Variants in NRG3 observed in about 807,000 individuals in gnomAD.
NRG3 encodes neuregulin 3.
NRG3 carries 31 observed loss-of-function variants against 66.9 expected under a neutral mutation model. The ratio of observed to expected loss-of-function variants is 0.46; its 90% CI spans 0.35 to 0.63. The LOEUF (loss-of-function observed/expected upper bound fraction) is 0.63. Ranked by LOEUF, NRG3 falls within the 20% of genes least tolerant of loss-of-function variation. The probability of loss-of-function intolerance (pLI) is 0.00; values close to 1 mark genes in which losing one functional copy is unlikely to be tolerated. For synonymous variants in NRG3, 393 were observed against 359.4 expected, an observed-to-expected ratio of 1.09 and a Z score of -1.06; for missense variants, 910 against 878.9, an observed-to-expected ratio of 1.04 and a Z score of -0.45.
intron 2 of NRG3, among the ~76,000 whole-genome samples, chr10:82,463,647 T>C (rs989988719): frequency 3.3e-5 from 5 of 152,194 alleles, no homozygotes; most frequent in African/African-American, 1.2e-4. Flanking sequence ...TTTACTGATA[T>C]GCTCTCACTA....
At chr10:81,942,926 AT>A (rs1848523825) in intron 1 of NRG3, among the ~76,000 whole-genome samples, 1 of 152,182 alleles carries the variant, frequency 6.6e-6, no homozygotes, top group Non-Finnish European at 1.5e-5. Flanking sequence ...TATTAATCAC[AT>A]TAGTTTTTAG....
At chr10:82,575,206 A>G (rs1037192192) in intron 2 of NRG3, among the ~76,000 whole-genome samples, 2 of 151,818 alleles carry the variant, frequency 1.3e-5, no homozygotes, top group South Asian at 2.1e-4. Context: ...TGTTAAAAAT[A>G]GAAAACAAAA....
intron 2 of NRG3, among the ~76,000 whole-genome samples, chr10:82,366,477 C>T (rs1020868250): frequency 2.0e-5 from 3 of 152,112 alleles, no homozygotes; most frequent in African/African-American, 7.2e-5. Context: ...TAGCAATTTT[C>T]TATTATTTGT....
At chr10:81,876,561 C>T (rs1159386901) in intron 1 of NRG3, among the ~76,000 whole-genome samples, 2 of 152,138 alleles carry the variant, frequency 1.3e-5, no homozygotes, top group Non-Finnish European at 2.9e-5. Flanking sequence ...GGCACTGAGC[C>T]CCTTCTCCGC....
At chr10:82,355,907 T>G (rs1430062359) in intron 1 of NRG3, among the ~76,000 whole-genome samples, 3 of 152,218 alleles carry the variant, frequency 2.0e-5, no homozygotes, top group Admixed American at 6.5e-5. Context: ...GTTTATTATA[T>G]TGTCATTAAA....
At chr10:82,091,413 C>T (rs1007368986) in intron 1 of NRG3, among the ~76,000 whole-genome samples, 1 of 152,106 alleles carries the variant, frequency 6.6e-6, no homozygotes, top group Non-Finnish European at 1.5e-5. Flanking sequence ...TAAGTGTAAT[C>T]ATATATTTGT....
intron 2 of NRG3, among the ~76,000 whole-genome samples, chr10:82,657,415 T>C (rs1242955679): frequency 3.3e-5 from 5 of 152,182 alleles, no homozygotes; most frequent in African/African-American, 1.2e-4. Context: ...TTTTCTTTTT[T>C]AGATGTCAAT....
At chr10:82,466,290 C>G (rs1211219072) in intron 2 of NRG3, among the ~76,000 whole-genome samples, 1 of 152,142 alleles carries the variant, frequency 6.6e-6, no homozygotes, top group Non-Finnish European at 1.5e-5. Flanking sequence ...GAAGCAGATT[C>G]CACCAGGCTT....
At chr10:82,451,183 A>G (rs540420714) in intron 2 of NRG3, among the ~76,000 whole-genome samples, 12 of 152,266 alleles carry the variant, frequency 7.9e-5, no homozygotes, top group East Asian at 3.9e-4. Flanking sequence ...TATTTTTCCC[A>G]TTTTATAATT....
At chr10:81,985,836 T>C (rs2060497519) in intron 1 of NRG3, among the ~76,000 whole-genome samples, 1 of 152,126 alleles carries the variant, frequency 6.6e-6, no homozygotes. Flanking sequence ...TAAAGGAAAA[T>C]AACATAGAAT....
At chr10:82,372,733 A>G (rs957460891) in intron 2 of NRG3, among the ~76,000 whole-genome samples, 12 of 152,102 alleles carry the variant, frequency 7.9e-5, no homozygotes, top group African/African-American at 2.9e-4. Context: ...AGCTGAGATT[A>G]CAGGCATGCA....
chr10:82,697,651 C>G lies in NRG3; in HGVS notation c.954-40926C>G, dbSNP rs192347963. The stretch of plus-strand genomic sequence containing the variant: ...AGGACTTGTGGGTACTCCAACAGCA[C>G]GTGGGCAATTGGAATGATATCCTTT... On this transcript the variant is annotated intron_variant, in intron 2 of 8. Transcript: ENST00000372141. 1.4e-4 allele frequency among the ~76,000 whole-genome samples: 21 copies of G among 152,170 alleles called. No individual in the cohort carries two copies. In the East Asian group the frequency reaches 2.7e-3, roughly 20 times the overall value.
At chr10:82,013,783 GT>G (rs1589782923) in intron 1 of NRG3, among the ~76,000 whole-genome samples, 1 of 151,848 alleles carries the variant, frequency 6.6e-6, no homozygotes, top group East Asian at 1.9e-4. Flanking sequence ...TGTTATTTAT[GT>G]TTATTTATAT....
chr10:81,926,424 A>G (rs1846792857), intron 1 of NRG3, among the ~76,000 whole-genome samples: 1 of 152,136 alleles, frequency 6.6e-6, no homozygotes, highest in African/African-American at 2.4e-5. Flanking sequence ...CCCAGCCCAT[A>G]ATGCTACTTT....
intron 2 of NRG3, among the ~76,000 whole-genome samples, chr10:82,381,271 G>C (rs1298340727): frequency 2.0e-5 from 3 of 152,054 alleles, no homozygotes; most frequent in Admixed American, 2.0e-4. Flanking sequence ...TGATGATAAT[G>C]ATTAAAGATC....
rs546070596 is a variant in NRG3 at position 82,520,000 on chromosome 10, A to G, written c.953+161132A>G. On this transcript the variant is annotated intron_variant, in intron 2 of 8. Transcript: ENST00000372141. ...AGAAAAATGTTTAGGGCTTTGCCTG[A>G]ACTAAAATAGTAGTAGTTTAAATGA... Among the ~76,000 whole-genome samples the G allele has an allele frequency of 1.4e-3, 218 of 152,178 alleles. 1 individual carries two copies. Among genetic ancestry groups the G allele is most frequent in the Non-Finnish European group, 2.7e-3 (186 of 68,002 alleles).
intron 2 of NRG3, among the ~76,000 whole-genome samples, chr10:82,538,427 C>A (rs2043306609): frequency 6.6e-6 from 1 of 152,128 alleles, no homozygotes; most frequent in Non-Finnish European, 1.5e-5. Context: ...AAAACAGCAA[C>A]TCAGTAATTA....
At chr10:82,048,999 A>G (rs1308600948) in intron 1 of NRG3, among the ~76,000 whole-genome samples, 1 of 152,210 alleles carries the variant, frequency 6.6e-6, no homozygotes, top group Admixed American at 6.6e-5. Context: ...AAAATCTAGA[A>G]GAAATGGATA....
intron 1 of NRG3, among the ~76,000 whole-genome samples, chr10:82,185,851 G>A (rs76390924): frequency 0.01 from 1,536 of 152,212 alleles, 15 homozygotes; most frequent in South Asian, 0.026. Context: ...AAACAAGTTC[G>A]AGTTAGGTTT....
Sources: gnomAD v4.1 joint callset for allele counts (sites outside exome capture counted in the v4.1 genomes callset) on GRCh38, gnomAD v4.1.1 for gene constraint, MANE v1.5 for transcripts, NCBI Gene and HGNC (gene_info 2026-07-23, HGNC 2026-07-21) for gene names.